Variants in INTS3 observed in about 807,000 individuals in gnomAD.
INTS3 encodes the protein SOSS complex subunit A.
A neutral mutation model predicts 146.3 loss-of-function variants in INTS3; 34 were observed. The observed-to-expected ratio is 0.23, with a 90% CI of 0.18 to 0.31. The LOEUF is 0.31. Among genes scored for constraint, INTS3 ranks in the 10% least tolerant of loss-of-function variants. INTS3 has a pLI of 1.00. For missense variants in INTS3, 757 were observed against 1,304.2 expected, an observed-to-expected ratio of 0.58 and a Z score of 6.46; for synonymous variants, 475 against 494.9, an observed-to-expected ratio of 0.96 and a Z score of 0.53.
chr1:153,733,638 C>T (rs572939263), intron 1 of INTS3, among the ~76,000 whole-genome samples: 7 of 149,684 alleles, frequency 4.7e-5, no homozygotes, highest in Admixed American at 1.3e-4. Context: ...GATGGATTCT[C>T]GCTCCGTCAC....
rs979906576 is a variant in INTS3 at position 153,741,287 on chromosome 1, G to A, written c.237G>A (p.Val79=). ...TGTTTTCCTTTCTCACATTCCAGGT[G>A]TGCAAAGGCCTCCCCCAGCATGAAG... ...REANDALNAY[V]CKGLPQHEEI... Residue 79 remains valine, a splice_region_variant and synonymous_variant, in exon 3 of 30, where the codon GTG becomes GTA. Transcript: ENST00000318967. 6 of 1,613,086 alleles carry A rather than the reference G, an allele frequency of 3.7e-6. No individual in the cohort carries two copies. Among genetic ancestry groups the A allele is most frequent in the African/African-American group, 1.3e-5 (1 of 74,888 alleles).
intron 6 of INTS3, among the ~76,000 whole-genome samples, chr1:153,748,960 C>T (rs371378152): frequency 2.0e-5 from 3 of 152,046 alleles, no homozygotes; most frequent in East Asian, 3.9e-4. Flanking sequence ...GAGGTCTTTG[C>T]CAAAATATCG....
rs917558937 is a variant in INTS3 at position 153,773,594 on chromosome 1, C to G, written c.*324C>G. On this transcript the variant is annotated 3_prime_UTR_variant, in exon 30 of 30. Coordinates refer to ENST00000318967, the MANE Select transcript of INTS3 (RefSeq NM_023015.5). ...TGGCCCCTTCCGCAATCTCCTCCCC[C>G]AGTCTCCCAAAGAGCCATTTCAACA... 2 of 445,214 alleles carry G rather than the reference C, an allele frequency of 4.5e-6. No homozygotes were observed. The highest frequency in any genetic ancestry group is 3.8e-5 in the Admixed American group (1 of 26,492). The allele number at this position is 445,214 out of a possible 1,614,324, so 27.6% of individuals were successfully genotyped here. A position where few individuals can be genotyped will look rare whatever the true frequency, so the allele number is the denominator to read the frequency against.
At chr1:153,738,097 A>G (rs1439963825) in intron 1 of INTS3, among the ~76,000 whole-genome samples, 2 of 152,128 alleles carry the variant, frequency 1.3e-5, no homozygotes, top group Admixed American at 6.6e-5. Context: ...TAATCATAAT[A>G]TTTATATCAT....
chr1:153,771,904 G>A lies in INTS3; in HGVS notation c.2661G>A (p.Leu887=). ...RHWCMKHDEL[L]AEHIKSLLIK... is the part of the protein sequence containing the mutation. ...GGTGCATGAAACATGACGAGCTGCT[G>A]GCCGAGCACATCAAGTCCCTGCTCA... The change falls in exon 26 of 30, where the codon CTG becomes CTA. Residue 887 remains leucine, a synonymous_variant. Transcript: ENST00000318967. 2 of 1,614,116 alleles carry A rather than the reference G, an allele frequency of 1.2e-6. No individual in the cohort carries two copies. The highest frequency in any genetic ancestry group is 1.7e-6 in the Non-Finnish European group (2 of 1,180,004).
rs1672388817 is a variant in INTS3 at position 153,761,671 on chromosome 1, T to C, written c.1511T>C (p.Val504Ala). The C allele has an allele frequency of 1.9e-6, 3 of 1,610,848 alleles. No homozygotes were observed. The highest frequency in any genetic ancestry group is 2.7e-5 in the African/African-American group (2 of 74,848). ...PEFCSSPSPP[V>A]EVKIEEPVSM... is the part of the protein sequence containing the mutation. ...TTCTGCAGCTCACCCTCCCCACCTGTGGAAGGTATGAGGCCCGCCCATTCC... is the reference window on the plus strand; with the variant it reads ...TTCTGCAGCTCACCCTCCCCACCTGCGGAAGGTATGAGGCCCGCCCATTCC... The change falls in exon 14 of 30, where the codon GTG becomes GCG. Residue 504 changes from valine (V) to alanine (A), a missense_variant. Coordinates refer to ENST00000318967, the MANE Select transcript of INTS3 (RefSeq NM_023015.5).
At position 153,754,622 on chromosome 1, in the gene INTS3, C is replaced by G. The variant is rs762769264; in HGVS notation, c.860-20C>G. 4 of 1,531,440 alleles carry G rather than the reference C, an allele frequency of 2.6e-6. No homozygotes were observed. In the South Asian group the frequency reaches 4.5e-5, roughly 17 times the overall value. The allele number at this position is 1,531,440 out of a possible 1,614,324, so 94.9% of individuals were successfully genotyped here. On this transcript the variant is annotated intron_variant, in intron 8 of 29. Coordinates refer to ENST00000318967, the MANE Select transcript of INTS3 (RefSeq NM_023015.5). ...GTCCTTAGGCTTCCTCTTTTCTCTT[C>G]CCTTCCACATTTGATTCAGGTATCC...
In INTS3 at chr1:153,772,303, C is replaced by T; in HGVS notation, c.2721-37C>T. ...GGGTGTCTCGCACTCTGGAACCCTC[C>T]CACACTCAGACTCTGGCTCTGGTGA... On this transcript the variant is annotated intron_variant, in intron 26 of 29. Coordinates refer to ENST00000318967, the MANE Select transcript of INTS3 (RefSeq NM_023015.5). The surrounding 1 kb of genome is among the most constrained non-coding windows in gnomAD (Gnocchi z 4.6). 2 of 1,604,380 alleles carry T rather than the reference C, an allele frequency of 1.2e-6. No homozygotes were observed. The highest frequency in any genetic ancestry group is 3.4e-5 in the Admixed American group (2 of 59,644).
intron 4 of INTS3, 102 bp downstream of exon 4, chr1:153,747,172 CATT>C: frequency 8.1e-7 from 1 of 1,241,620 alleles, no homozygotes; most frequent in African/African-American, 1.5e-5. Flanking sequence ...ACACCCCTAT[CATT>C]GTGTGTCTAA....
chr1:153,751,320 A>C (rs1478488646), intron 7 of INTS3, 81 bp downstream of exon 7: 1 of 1,385,898 alleles, frequency 7.2e-7, no homozygotes, highest in Non-Finnish European at 1.0e-6. Context: ...GTGGAGTCAG[A>C]AATACCTTGT....
intron 3 of INTS3, among the ~76,000 whole-genome samples, chr1:153,741,778 A>G (rs1671543850): frequency 6.6e-6 from 1 of 152,206 alleles, no homozygotes; most frequent in African/African-American, 2.4e-5. Flanking sequence ...AAATTTTAGT[A>G]GGTAGGATTT....
chr1:153,764,070 G>A (rs1181005769), intron 17 of INTS3, 48 bp from the exon 18 acceptor site: 2 of 1,489,576 alleles, frequency 1.3e-6, no homozygotes, highest in Non-Finnish European at 1.9e-6. Context: ...GGGGGCAGGA[G>A]GGCTTGGGTG....
intron 22 of INTS3, among the ~76,000 whole-genome samples, chr1:153,769,192 A>G (rs1672715955): frequency 6.6e-6 from 1 of 152,176 alleles, no homozygotes; most frequent in South Asian, 2.1e-4. Flanking sequence ...CTTATTCTCC[A>G]TATTCTTTGG....
At position 153,773,076 on chromosome 1, in the gene INTS3, G is replaced by T; in HGVS notation, c.3046G>T (p.Ala1016Ser). The T allele has an allele frequency of 6.2e-7, 1 of 1,614,150 alleles. No individual in the cohort carries two copies. Residue 1016 changes from alanine (A) to serine (S), a missense_variant, in exon 29 of 30, where the codon GCT (alanine) becomes TCT (serine). This residue lies in a region of INTS3 where 125 missense variants were observed against 165.6 expected (regional missense o/e 0.75). Transcript: ENST00000318967. ...CGAAGAAGAGTCGGGCTCCAGCAGT[G>T]CTTCAGTGAGAACCCAGCCAGTGCA... ...NAEEESGSSS[A>S]SEEEDTKPKP...
At chr1:153,735,053 A>G (rs1557987240) in intron 1 of INTS3, among the ~76,000 whole-genome samples, 1 of 151,960 alleles carries the variant, frequency 6.6e-6, no homozygotes, top group Non-Finnish European at 1.5e-5. Flanking sequence ...CTGCATCCTC[A>G]ACCTCCTGGG....
At chr1:153,761,485 A>G in intron 13 of INTS3, 85 bp from the exon 14 acceptor site, 2 of 937,460 alleles carry the variant, frequency 2.1e-6, no homozygotes, top group Non-Finnish European at 3.4e-6. Context: ...ACTCCAGCCT[A>G]GGTGATGAGA....
intron 1 of INTS3, among the ~76,000 whole-genome samples, chr1:153,732,948 C>T (rs1671135750): frequency 6.6e-6 from 1 of 150,470 alleles, no homozygotes; most frequent in South Asian, 2.1e-4. Flanking sequence ...GGAGTAAAGG[C>T]ACGCACCACC....
chr1:153,749,079 T>G (rs1671862090), intron 6 of INTS3, among the ~76,000 whole-genome samples: 1 of 152,152 alleles, frequency 6.6e-6, no homozygotes, highest in Non-Finnish European at 1.5e-5. Flanking sequence ...TCAGTAGAAT[T>G]GGGCCAGCCA....
chr1:153,764,935 C>T lies in INTS3; in HGVS notation c.1971-9C>T. On this transcript the variant is annotated splice_polypyrimidine_tract_variant and intron_variant, in intron 19 of 29. Coordinates refer to ENST00000318967, the MANE Select transcript of INTS3 (RefSeq NM_023015.5). ...GTTCTGTTCCTCTCCTCCCATGCCCCACCTCCAGGAACCTATGTCAGATGC... is the reference window on the plus strand; with the variant it reads ...GTTCTGTTCCTCTCCTCCCATGCCCTACCTCCAGGAACCTATGTCAGATGC... The T allele has an allele frequency of 6.2e-7, 1 of 1,614,106 alleles. No individual in the cohort carries two copies. The highest frequency in any genetic ancestry group is 8.5e-7 in the Non-Finnish European group (1 of 1,179,978).
Sources: gnomAD v4.1 joint callset for allele counts (sites outside exome capture counted in the v4.1 genomes callset) on GRCh38, gnomAD v4.1.1 for gene constraint, gnomAD v4.1.1 regional missense constraint, Gnocchi (gnomAD v3.1) non-coding constraint, MANE v1.5 for transcripts, NCBI Gene and HGNC (gene_info 2026-07-23, HGNC 2026-07-21) for gene names.